The following SPATA13 variants were observed in gnomAD, a reference collection of about 807,000 sequenced individuals.
SPATA13 encodes spermatogenesis-associated protein 13.
SPATA13 carries 50 observed loss-of-function variants against 104.0 expected under a neutral mutation model. The observed-to-expected ratio is 0.48, with a 90% confidence interval of 0.38 to 0.61. The LOEUF is 0.61. SPATA13 is among the 20% of genes least tolerant of loss of function. The pLI is 0.00. For synonymous variants in SPATA13, 606 were observed against 667.5 expected (o/e 0.91, Z 1.42); for missense variants, 1,524 against 1,690.6 (o/e 0.90, Z 1.73).
chr13:24,074,184 C>T (rs1879252032), intron 3 of SPATA13, among the ~76,000 whole-genome samples: 1 of 152,158 alleles, frequency 6.6e-6, no homozygotes. Flanking sequence ...CCCGTTTCTC[C>T]CCAGCCCCTG....
intron 2 of SPATA13, among the ~76,000 whole-genome samples, chr13:24,006,064 T>C (rs4770545): frequency 0.31 from 46,465 of 152,106 alleles, 7,268 homozygotes; most frequent in Non-Finnish European, 0.33. Flanking sequence ...AGGTGCCTGC[T>C]GTGTTCCTGC....
At chr13:24,067,036 A>G (rs1878990188) in intron 3 of SPATA13, among the ~76,000 whole-genome samples, 1 of 152,176 alleles carries the variant, frequency 6.6e-6, no homozygotes, top group Non-Finnish European at 1.5e-5. Context: ...CCCAGTTCAG[A>G]GCTAAACTGG....
intron 3 of SPATA13, among the ~76,000 whole-genome samples, chr13:24,053,521 G>A (rs1294700248): frequency 6.6e-6 from 1 of 152,120 alleles, no homozygotes; most frequent in Non-Finnish European, 1.5e-5. Flanking sequence ...GCTAGAAGTG[G>A]GGAGGTTGAA....
intron 1 of SPATA13, among the ~76,000 whole-genome samples, chr13:24,176,121 A>G (rs9511110): frequency 0.17 from 26,580 of 152,188 alleles, 2,505 homozygotes; most frequent in East Asian, 0.37. Flanking sequence ...ATTGTTACAA[A>G]GGTAGAGTCC....
chr13:24,114,644 TTTG>T, intron 3 of SPATA13, among the ~76,000 whole-genome samples: 2 of 152,028 alleles, frequency 1.3e-5, no homozygotes, highest in South Asian at 2.1e-4. Flanking sequence ...TAGTTTTTTT[TTTG>T]TTGTTGTTTT....
intron 4 of SPATA13, among the ~76,000 whole-genome samples, chr13:24,267,146 A>G (rs998765860): frequency 6.6e-6 from 1 of 152,114 alleles, no homozygotes; most frequent in African/African-American, 2.4e-5. Flanking sequence ...TGGCTGGCAG[A>G]TGTGCCCATC....
At chr13:24,251,343 C>A in intron 3 of SPATA13, 1 of 508,020 alleles carries the variant, frequency 2.0e-6, no homozygotes, top group Non-Finnish European at 2.5e-6. Context: ...TGGCTTCCTC[C>A]AGAGGCCACC....
intron 2 of SPATA13, among the ~76,000 whole-genome samples, chr13:24,230,223 A>G (rs1872181020): frequency 6.6e-6 from 1 of 152,212 alleles, no homozygotes; most frequent in African/African-American, 2.4e-5. Context: ...GTACCTCACC[A>G]CTCAACACCT....
chr13:24,001,634 C>T (rs530102561), intron 2 of SPATA13, among the ~76,000 whole-genome samples: 46 of 152,064 alleles, frequency 3.0e-4, no homozygotes, highest in African/African-American at 1.0e-3. Context: ...CACCAGGGCA[C>T]CACACTCATC....
At chr13:24,285,743 C>T (rs1178911903) in intron 5 of SPATA13, among the ~76,000 whole-genome samples, 3 of 149,214 alleles carry the variant, frequency 2.0e-5, no homozygotes, top group Non-Finnish European at 4.4e-5. Flanking sequence ...TGCAATGGCA[C>T]GATCTCCGCT....
Position 24,080,657 on chromosome 13 carries a change from G to A in SPATA13, c.-112+62956G>A, listed in dbSNP as rs543032001. 3.3e-5 allele frequency among the ~76,000 whole-genome samples: 5 copies of A among 152,314 alleles called. No homozygotes were observed. The South Asian group carries it at 1.0e-3, about 32-fold the overall frequency. On this transcript the variant is annotated intron_variant, in intron 3 of 14. Transcript: ENST00000424834. ...AGGTAGATCTGAGATTTCATCGGTGGCCTTGATGTCACAGAGTATCAGTGA... is the reference window on the plus strand; with the variant it reads ...AGGTAGATCTGAGATTTCATCGGTGACCTTGATGTCACAGAGTATCAGTGA...
At chr13:24,263,647 A>G (rs539253523) in intron 4 of SPATA13, among the ~76,000 whole-genome samples, 56 of 152,356 alleles carry the variant, frequency 3.7e-4, no homozygotes, top group Non-Finnish European at 6.6e-4. Flanking sequence ...AATAGTTGTT[A>G]TGCTGCATTG....
chr13:24,084,543 TA>T (rs33950980), intron 3 of SPATA13, among the ~76,000 whole-genome samples: 146,523 of 152,116 alleles, frequency 0.96, 70,803 homozygotes, highest in East Asian at 1. Context: ...TGGTTTTTCT[TA>T]AAAAAAAGCA....
chr13:24,114,356 C>A (rs533015722), intron 3 of SPATA13, among the ~76,000 whole-genome samples: 6 of 152,296 alleles, frequency 3.9e-5, no homozygotes, highest in African/African-American at 1.2e-4. Flanking sequence ...TCAGTGTGCA[C>A]GTGTGTGCCT....
chr13:24,291,217 C>T (rs1293309630), intron 9 of SPATA13, among the ~76,000 whole-genome samples: 4 of 152,266 alleles, frequency 2.6e-5, no homozygotes, highest in South Asian at 4.1e-4. Flanking sequence ...TTAGTAAAGA[C>T]GGTTTCTGAG....
At chr13:24,224,831 T>A in intron 2 of SPATA13, 1 of 566,926 alleles carries the variant, frequency 1.8e-6, no homozygotes, top group Non-Finnish European at 3.3e-6. Flanking sequence ...ACACCTTTCA[T>A]TCAAAAGATG....
intron 4 of SPATA13, among the ~76,000 whole-genome samples, chr13:24,274,899 T>G (rs1467053383): frequency 6.6e-6 from 1 of 152,208 alleles, no homozygotes; most frequent in Non-Finnish European, 1.5e-5. Flanking sequence ...TGAAAATAGC[T>G]AAATCTATGT....
rs541971011 is a variant in SPATA13 at position 24,189,544 on chromosome 13, A to C, written c.-112+28612A>C. Among the ~76,000 whole-genome samples the C allele has an allele frequency of 7.8e-3, 1,051 of 134,840 alleles. 7 individuals are homozygous for C. Among genetic ancestry groups the C allele is most frequent in the Middle Eastern group, 0.011 (3 of 276 alleles). 88.5% of individuals were successfully genotyped at this position (134,840 alleles called of 152,430 possible). A position where few individuals can be genotyped will look rare whatever the true frequency, so the allele number is the denominator to read the frequency against. On this transcript the variant is annotated intron_variant, in intron 1 of 12. Transcript: ENST00000382108. ...TAATATTGCATACATATTTATATTT[A>C]AATATATAGTATATTTAATATTACA...
chr13:24,083,172 A>T (rs1343280271), intron 3 of SPATA13, among the ~76,000 whole-genome samples: 1 of 152,252 alleles, frequency 6.6e-6, no homozygotes, highest in Non-Finnish European at 1.5e-5. Context: ...AGCATCAACC[A>T]GTAACTTGGG....
Sources: gnomAD v4.1 joint callset for allele counts (sites outside exome capture counted in the v4.1 genomes callset) on GRCh38, gnomAD v4.1.1 for gene constraint, MANE v1.5 for transcripts, NCBI Gene and HGNC (gene_info 2026-07-23, HGNC 2026-07-21) for gene names.